DSC3: variants seen among roughly 807,000 people sequenced by gnomAD.
DSC3 encodes desmocollin-3.
A neutral mutation model predicts 89.5 loss-of-function variants in DSC3; 97 were observed. The observed-to-expected ratio is 1.08, with a 90% CI of 0.92 to 1.28. The LOEUF (loss-of-function observed/expected upper bound fraction) is 1.28, where lower values mean the gene tolerates loss of function less well. DSC3 is among the 50% of genes most tolerant of loss of function. DSC3 has a pLI of 0.00. For missense variants in DSC3, 1,199 were observed against 1,085.3 expected, an observed-to-expected ratio of 1.10 and a Z score of -1.47; for synonymous variants, 436 against 384.1, an observed-to-expected ratio of 1.14 and a Z score of -1.58.
Position 30,996,796 on chromosome 18 carries a change from C to G in DSC3, c.2488G>C (p.Gly830Arg). 6.2e-7 allele frequency: 1 copy of G among 1,613,492 alleles called. No individual in the cohort carries two copies. The highest frequency in any genetic ancestry group is 8.5e-7 in the Non-Finnish European group (1 of 1,179,942). The change falls in exon 15 of 16, where the codon GGT becomes CGT. Residue 830 changes from glycine to arginine, a missense_variant. Coordinates refer to ENST00000360428, the MANE Select transcript of DSC3 (RefSeq NM_001941.5). Reference sequence around the variant, plus strand: ...AAACACCTAAGGAAACTCACTTCACCGAGACGGGGTTGAGTAAAACTGTGC... The same window carrying G: ...AAACACCTAAGGAAACTCACTTCACGGAGACGGGGTTGAGTAAAACTGTGC... Reference protein sequence around the residue: ...EWHSFTQPRLGEKLHRCNQNE... With the variant: ...EWHSFTQPRLREKLHRCNQNE...
At chr18:31,000,796 G>A (rs905464658) in intron 14 of DSC3, among the ~76,000 whole-genome samples, 2 of 151,780 alleles carry the variant, frequency 1.3e-5, no homozygotes, top group African/African-American at 4.8e-5. Context: ...CAGCCTTTCT[G>A]GTTGATCCAA....
Position 31,018,157 on chromosome 18 carries a change from A to G in DSC3, c.1177T>C (p.Phe393Leu). The part of the protein sequence containing the change: ...LINTANWRVN[F>L]TILKGNENGH... ...TTTTCATTTCCCTTTAAAATGGTAA[A>G]ATTGACTCTCCAATTGGCAGTGTTA... is the stretch of plus-strand genomic sequence containing the variant. Residue 393 changes from phenylalanine (F) to leucine (L), a missense_variant, in exon 9 of 16, where the codon TTT becomes CTT. Transcript: ENST00000360428. 6.2e-7 allele frequency: 1 copy of G among 1,612,426 alleles called. No individual in the cohort carries two copies. The highest frequency in any genetic ancestry group is 8.5e-7 in the Non-Finnish European group (1 of 1,179,130).
rs144265259 is a variant in DSC3, at chr18:31,011,871, T to C, written c.1264-3346A>G. ...AGCCGGGCATGGAGGCATGCGCCTG[T>C]AGTCCCAGCTGCTTGGGAGGCTGAG... On this transcript the variant is annotated intron_variant, in intron 9 of 15. Transcript: ENST00000360428. Among the ~76,000 whole-genome samples the C allele has an allele frequency of 3.8e-3, 547 of 143,804 alleles. 6 individuals carry two copies. Among genetic ancestry groups the C allele is most frequent in the African/African-American group, 0.014 (523 of 38,090 alleles). 94.3% of individuals were successfully genotyped at this position (143,804 alleles called of 152,430 possible).
chr18:30,996,005 G>GAA (rs1984451806), intron 15 of DSC3, among the ~76,000 whole-genome samples: 1 of 84,816 alleles, frequency 1.2e-5, no homozygotes, highest in Non-Finnish European at 2.3e-5. Context: ...AAAAAGAAAA[G>GAA]AAAGAAAAAA....
intron 15 of DSC3, among the ~76,000 whole-genome samples, chr18:30,995,996 A>AAAAAAAAAAAAAAAAAAGAAAG (rs1555631968): frequency 2.9e-5 from 4 of 136,410 alleles, no homozygotes; most frequent in African/African-American, 9.0e-5. Flanking sequence ...AAAAAAAAAA[A>AAAAAAAAAAAAAAAAAAGAAAG]AAAGAAAAGA....
chr18:30,998,125 CAAAT>C (rs1984538944), intron 14 of DSC3, among the ~76,000 whole-genome samples: 1 of 152,062 alleles, frequency 6.6e-6, no homozygotes, highest in Non-Finnish European at 1.5e-5. Context: ...ATGTGGAAGA[CAAAT>C]AAGAAGACAA....
chr18:31,013,456 C>A (rs1313269106), intron 9 of DSC3, among the ~76,000 whole-genome samples: 1 of 152,048 alleles, frequency 6.6e-6, no homozygotes, highest in South Asian at 2.1e-4. Flanking sequence ...TGTGACCAAG[C>A]AAGCCCTGCC....
rs1180680279 is a variant in DSC3, at chr18:31,028,431, A to T, written c.474+1078T>A. Among the ~76,000 whole-genome samples, 3 of 152,176 alleles carry T rather than the reference A, an allele frequency of 2.0e-5. No individual in the cohort carries two copies. The East Asian group carries it at 5.8e-4, about 29-fold the overall frequency. ...AAAGCAAAGGCTAAAACTAGCTATGATTGGTACAGCTTTGGCAATTAGAAA... is the reference window on the plus strand; with the variant it reads ...AAAGCAAAGGCTAAAACTAGCTATGTTTGGTACAGCTTTGGCAATTAGAAA... On this transcript the variant is annotated intron_variant, in intron 4 of 15. Coordinates refer to ENST00000360428, the MANE Select transcript of DSC3 (RefSeq NM_001941.5).
At chr18:31,034,867 T>C (rs972815007) in intron 1 of DSC3, among the ~76,000 whole-genome samples, 2 of 150,422 alleles carry the variant, frequency 1.3e-5, no homozygotes, top group African/African-American at 5.0e-5. Flanking sequence ...ACTTCTAAAA[T>C]TAGATTATTG....
chr18:31,021,124 C>T (rs1386589036), intron 7 of DSC3, among the ~76,000 whole-genome samples: 2 of 151,640 alleles, frequency 1.3e-5, no homozygotes. Flanking sequence ...ATGGTTGTTG[C>T]CCACAAAATC....
rs557311947 is a variant in DSC3, at chr18:31,028,834, GCA to G, written c.474+673_474+674del. On this transcript the variant is annotated intron_variant, in intron 4 of 15. Coordinates refer to ENST00000360428, the MANE Select transcript of DSC3 (RefSeq NM_001941.5). ...ATAAAGTTAAACTTACTAGTAGAAT[GCA>G]CATAGTCCATAGTGGTTTGACCCCT... Among the ~76,000 whole-genome samples, 247 of 152,206 alleles carry G rather than the reference GCA, an allele frequency of 1.6e-3. 1 individual carries two copies. The highest frequency in any genetic ancestry group is 3.4e-3 in the Middle Eastern group (1 of 294).
In DSC3 at chr18:31,008,355, C is replaced by T. The variant is rs1373025760; in HGVS notation, c.1434G>A (p.Val478=). ...CCACTGCTAAGTTTTCTTTAATCCG[C>T]ACATATTGGGCTGCAGGAGTGCATT... ...GPECTPAAQY[V]RIKENLAVGS... is the part of the protein sequence containing the mutation. Residue 478 remains valine, a synonymous_variant, in exon 10 of 16, where the codon GTG becomes GTA. Transcript: ENST00000360428. 3 of 1,613,954 alleles carry T rather than the reference C, an allele frequency of 1.9e-6. No homozygotes were observed. Among genetic ancestry groups the T allele is most frequent in the East Asian group, 4.5e-5 (2 of 44,882 alleles).
In DSC3 at chr18:30,989,924, T is replaced by TTAAAATAAAA. The variant is rs61307497; in HGVS notation, c.*4241_*4250dup. ...ACATCCTGCACGTGTATCCTGGAAC[T>TTAAAATAAAA]TAAAATAAAATAAGTGTTATCAATG... On this transcript the variant is annotated 3_prime_UTR_variant, in exon 16 of 16. Coordinates refer to ENST00000360428, the MANE Select transcript of DSC3 (RefSeq NM_001941.5). The TTAAAATAAAA allele has an allele frequency of 1.3e-5, 2 of 151,868 alleles. No individual in the cohort carries two copies. The highest frequency in any genetic ancestry group is 4.0e-4 in the South Asian group (2 of 5,036). The allele number at this position is 151,868 out of a possible 1,614,324, so 9.4% of individuals were successfully genotyped here. A position where few individuals can be genotyped will look rare whatever the true frequency, so the allele number is the denominator to read the frequency against.
At chr18:30,998,624 C>T (rs932639429) in intron 14 of DSC3, among the ~76,000 whole-genome samples, 2 of 152,018 alleles carry the variant, frequency 1.3e-5, no homozygotes, top group Non-Finnish European at 2.9e-5. Context: ...AAGGATAGAA[C>T]CACAAGAAAA....
chr18:31,033,259 CT>C (rs1050274045), intron 1 of DSC3, among the ~76,000 whole-genome samples: 2 of 151,984 alleles, frequency 1.3e-5, no homozygotes, highest in Admixed American at 6.5e-5. Flanking sequence ...TCCCAGATAA[CT>C]TTTTTTGAAG....
intron 6 of DSC3, among the ~76,000 whole-genome samples, chr18:31,023,716 A>G (rs1177652348): frequency 1.3e-5 from 2 of 152,150 alleles, no homozygotes; most frequent in Non-Finnish European, 2.9e-5. Flanking sequence ...GTTATTCTCC[A>G]TATTACAAGT....
chr18:31,008,600 G>T, intron 9 of DSC3, 75 bp from the exon 10 acceptor site: 1 of 1,567,998 alleles, frequency 6.4e-7, no homozygotes, highest in Non-Finnish European at 8.7e-7. Context: ...GTGAACATTT[G>T]TCATCCTGAC....
At position 31,012,765 on chromosome 18, in the gene DSC3, C is replaced by G. The variant is rs982653466; in HGVS notation, c.1264-4240G>C. Reference sequence around the variant, plus strand: ...GCAAGCATAAAATTGATAGTAAAAACTTAATAGCAATTATAGAAAAGGAAA... The same window carrying G: ...GCAAGCATAAAATTGATAGTAAAAAGTTAATAGCAATTATAGAAAAGGAAA... On this transcript the variant is annotated intron_variant, in intron 9 of 15. Coordinates refer to ENST00000360428, the MANE Select transcript of DSC3 (RefSeq NM_001941.5). 2.6e-5 allele frequency among the ~76,000 whole-genome samples: 4 copies of G among 152,150 alleles called. No homozygotes were observed. In the East Asian group the frequency reaches 7.7e-4, roughly 29 times the overall value.
At chr18:31,027,173 A>C (rs969607022) in intron 4 of DSC3, among the ~76,000 whole-genome samples, 3 of 152,118 alleles carry the variant, frequency 2.0e-5, no homozygotes, top group Admixed American at 2.0e-4. Context: ...TTCCTTCTAC[A>C]GTGTCCTCTC....
Sources: allele counts gnomAD v4.1 joint callset (sites outside exome capture counted in the v4.1 genomes callset), GRCh38; gene constraint gnomAD v4.1.1; transcripts MANE v1.5; gene names NCBI Gene and HGNC (gene_info 2026-07-23, HGNC 2026-07-21).